The following ARHGEF37 variants were observed in gnomAD, a reference collection of about 807,000 sequenced individuals.
ARHGEF37 encodes Rho guanine nucleotide exchange factor 37.
In ARHGEF37, 55 loss-of-function variants were observed where a neutral mutation model predicts 71.1. The ratio of observed to expected loss-of-function variants is 0.77; its 90% CI spans 0.62 to 0.97. The LOEUF (loss-of-function observed/expected upper bound fraction) is 0.97. ARHGEF37 is among the 50% of genes least tolerant of loss of function. The pLI is 0.00. For missense variants in ARHGEF37, 765 were observed against 836.8 expected, an observed-to-expected ratio of 0.91 and a Z score of 1.06; for synonymous variants, 327 against 350.6, an observed-to-expected ratio of 0.93 and a Z score of 0.75.
intron 1 of ARHGEF37, among the ~76,000 whole-genome samples, chr5:149,586,526 G>A (rs984692729): frequency 6.6e-6 from 1 of 152,220 alleles, no homozygotes; most frequent in African/African-American, 2.4e-5. Flanking sequence ...GCCTCCCGAA[G>A]TGCCGGGATT....
Position 149,616,604 on chromosome 5 carries a change from G to C in ARHGEF37, c.496G>C (p.Val166Leu), listed in dbSNP as rs756205566. 1 of 1,611,836 alleles carries C rather than the reference G, an allele frequency of 6.2e-7. No homozygotes were observed. The highest frequency in any genetic ancestry group is 8.5e-7 in the Non-Finnish European group (1 of 1,179,214). ...ATCTTCAGGCCTCAGTTTCTTGCTG[G>C]TAATTCCTCTGCAGAGGATCACCAG... Reference protein sequence around the residue: ...AGSSGLSFLLVIPLQRITRYP... With the variant: ...AGSSGLSFLLLIPLQRITRYP... The change falls in exon 5 of 13, where the codon GTA becomes CTA. Residue 166 changes from valine to leucine, a missense_variant. Physicochemically the swap from Val to Leu is conservative, Grantham distance 32. Transcript: ENST00000333677.
chr5:149,566,619 A>C (rs1293946476), intron 1 of ARHGEF37, among the ~76,000 whole-genome samples: 1 of 152,086 alleles, frequency 6.6e-6, no homozygotes, highest in Non-Finnish European at 1.5e-5. Flanking sequence ...CAAATGAGGA[A>C]ACTAAGTATT....
intron 12 of ARHGEF37, among the ~76,000 whole-genome samples, chr5:149,629,416 C>T (rs1244516777): frequency 6.6e-6 from 1 of 152,122 alleles, no homozygotes; most frequent in Non-Finnish European, 1.5e-5. Flanking sequence ...AGTACCAGAG[C>T]CCTAGGTGTG....
chr5:149,564,103 C>T (rs1206458328), intron 1 of ARHGEF37, among the ~76,000 whole-genome samples: 1 of 151,816 alleles, frequency 6.6e-6, no homozygotes, highest in Admixed American at 6.6e-5. Context: ...TAAACATGCA[C>T]CAACACGCCT....
chr5:149,619,957 C>T (rs1257767157), intron 7 of ARHGEF37, among the ~76,000 whole-genome samples: 1 of 151,796 alleles, frequency 6.6e-6, no homozygotes, highest in African/African-American at 2.4e-5. Context: ...CCTGTAGTCC[C>T]AGCTACTCAG....
At chr5:149,631,507 C>T (rs1037837395) in intron 12 of ARHGEF37, among the ~76,000 whole-genome samples, 1 of 152,128 alleles carries the variant, frequency 6.6e-6, no homozygotes, top group African/African-American at 2.4e-5. Context: ...AAACAAGTTG[C>T]CCAAATCCTT....
At chr5:149,586,702 C>A (rs1763252791) in intron 1 of ARHGEF37, among the ~76,000 whole-genome samples, 1 of 152,222 alleles carries the variant, frequency 6.6e-6, no homozygotes, top group Admixed American at 6.5e-5. Context: ...TAGTAGATAT[C>A]TTTAATAAAA....
rs1262756126 is a variant in ARHGEF37, at chr5:149,605,597, C to A, written c.311-3951C>A. Among the ~76,000 whole-genome samples, 8 of 152,132 alleles carry A rather than the reference C, an allele frequency of 5.3e-5. No individual in the cohort carries two copies. In the East Asian group the frequency reaches 1.5e-3, roughly 29 times the overall value. On this transcript the variant is annotated intron_variant, in intron 3 of 12. Transcript: ENST00000333677. The stretch of plus-strand genomic sequence containing the variant: ...AATCTGACTAACAAGTCCCTGCCAC[C>A]CACAAGCTCTTTCCTTTCTGAGTCC...
chr5:149,609,822 T>C, intron 4 of ARHGEF37, 127 bp downstream of exon 4: 3 of 1,319,822 alleles, frequency 2.3e-6, no homozygotes, highest in Non-Finnish European at 3.1e-6. Context: ...GAGCCTGTGT[T>C]AGTCAGGATA....
upstream of ARHGEF37, among the ~76,000 whole-genome samples, chr5:149,579,587 T>C (rs887740725): frequency 2.6e-5 from 4 of 151,916 alleles, no homozygotes; most frequent in Admixed American, 2.6e-4. Flanking sequence ...TTATTATTAT[T>C]ATTATTATTT....
intron 9 of ARHGEF37, 99 bp downstream of exon 9, chr5:149,622,161 TG>T (rs1752567202): frequency 7.9e-7 from 1 of 1,270,424 alleles, no homozygotes. Flanking sequence ...GGAGGGAGGA[TG>T]GGCCTGAAAA....
chr5:149,621,191 G>A (rs1004884115), intron 8 of ARHGEF37, among the ~76,000 whole-genome samples: 27 of 152,170 alleles, frequency 1.8e-4, no homozygotes, highest in African/African-American at 6.3e-4. Flanking sequence ...GGCTGGGCAA[G>A]GTGGCTTATG....
At chr5:149,599,101 G>A (rs1030092811) in intron 2 of ARHGEF37, among the ~76,000 whole-genome samples, 6 of 152,178 alleles carry the variant, frequency 3.9e-5, no homozygotes, top group East Asian at 1.9e-4. Flanking sequence ...ATCCTGAAAC[G>A]TGAGCTGTAC....
chr5:149,592,833 G>A (rs909710135), intron 1 of ARHGEF37, among the ~76,000 whole-genome samples: 5 of 152,132 alleles, frequency 3.3e-5, no homozygotes, highest in Admixed American at 1.3e-4. Flanking sequence ...GCAGTGGCAC[G>A]ATCTTGGCTC....
At chr5:149,616,339 T>G (rs1752376480) in intron 4 of ARHGEF37, among the ~76,000 whole-genome samples, 1 of 152,126 alleles carries the variant, frequency 6.6e-6, no homozygotes, top group Non-Finnish European at 1.5e-5. Context: ...GGCAGAGAGC[T>G]TGAACATTGG....
chr5:149,558,290 G>A (rs1014058760), intron 1 of ARHGEF37, among the ~76,000 whole-genome samples: 1 of 152,020 alleles, frequency 6.6e-6, no homozygotes, highest in Admixed American at 6.5e-5. Context: ...GGCGGATCAC[G>A]AGGTCAGGAG....
chr5:149,604,095 G>T (rs534959704), intron 3 of ARHGEF37, among the ~76,000 whole-genome samples: 7 of 152,064 alleles, frequency 4.6e-5, no homozygotes, highest in Admixed American at 4.6e-4. Flanking sequence ...CTTTGAGCTC[G>T]GGCTCTTCTA....
Position 149,624,038 on chromosome 5 carries a change from T to A in ARHGEF37, c.1362T>A (p.Pro454=). 6.2e-7 allele frequency: 1 copy of A among 1,605,824 alleles called. No homozygotes were observed. Among genetic ancestry groups the A allele is most frequent in the Non-Finnish European group, 8.5e-7 (1 of 1,173,166 alleles). The change falls in exon 10 of 13, where the codon CCT becomes CCA. Residue 454 remains proline, a synonymous_variant. Transcript: ENST00000333677. ...TGCCCCACCACCACGTCCCAGAGCC[T>A]GCCTTCAGGAAGCTGGTGGAGGACG... ...AQLPHHHVPE[P]AFRKLVEDAL...
chr5:149,633,367 T>C lies in ARHGEF37; in HGVS notation c.*1176T>C, dbSNP rs1193238933. 6.6e-6 allele frequency: 1 copy of C among 152,272 alleles called. No individual in the cohort carries two copies. The highest frequency in any genetic ancestry group is 1.5e-5 in the Non-Finnish European group (1 of 68,050). 9.4% of individuals were successfully genotyped at this position (152,272 alleles called of 1,614,324 possible). A position where few individuals can be genotyped will look rare whatever the true frequency, so the allele number is the denominator to read the frequency against. ...AACCTTGTTCATCAGTATAGCTTTC[T>C]TTCCTGTAACCCAGGATCTACCTTG... On this transcript the variant is annotated 3_prime_UTR_variant, in exon 13 of 13. Coordinates refer to ENST00000333677, the MANE Select transcript of ARHGEF37 (RefSeq NM_001001669.3).
Sources: gnomAD v4.1 joint callset for allele counts (sites outside exome capture counted in the v4.1 genomes callset) on GRCh38, gnomAD v4.1.1 for gene constraint, MANE v1.5 for transcripts, NCBI Gene and HGNC (gene_info 2026-07-23, HGNC 2026-07-21) for gene names.